The following SGIP1 variants were observed in gnomAD, a reference collection of about 807,000 sequenced individuals.
The protein encoded by SGIP1 is SH3GL interacting endocytic adaptor 1, also known as SH3-containing GRB2-like protein 3-interacting protein 1.
SGIP1 carries 38 observed loss-of-function variants against 107.5 expected under a neutral mutation model. That is an observed-to-expected ratio of 0.35 (90% confidence interval 0.27 to 0.46). The LOEUF is 0.46. Among genes scored for constraint, SGIP1 ranks in the 20% least tolerant of loss-of-function variants. SGIP1 has a pLI of 1.00. For synonymous variants in SGIP1, 365 were observed against 366.1 expected (o/e 1.00, Z 0.03); for missense variants, 929 against 1,019.5 (o/e 0.91, Z 1.21).
chr1:66,660,455 A>G, intron 7 of SGIP1, 58 bp from the exon 8 acceptor site: 1 of 1,510,944 alleles, frequency 6.6e-7, no homozygotes, highest in Non-Finnish European at 9.2e-7. Context: ...CTTCTTGAAA[A>G]TACATTTCAC....
chr1:66,740,358 GATT>G, intron 22 of SGIP1, among the ~76,000 whole-genome samples: 1 of 65,662 alleles, frequency 1.5e-5, no homozygotes, highest in Non-Finnish European at 4.4e-5. Flanking sequence ...TTAATTAATT[GATT>G]AACACTCCTA....
chr1:66,604,498 A>G (rs1242418387), intron 1 of SGIP1, among the ~76,000 whole-genome samples: 1 of 152,196 alleles, frequency 6.6e-6, no homozygotes, highest in African/African-American at 2.4e-5. Flanking sequence ...CGTTTTCTAC[A>G]TTAAGCTGTG....
chr1:66,729,322 C>T lies in SGIP1; in HGVS notation c.1801C>T (p.His601Tyr), dbSNP rs2093904386. 8 of 1,614,136 alleles carry T rather than the reference C, an allele frequency of 5.0e-6. No homozygotes were observed. Among genetic ancestry groups the T allele is most frequent in the Non-Finnish European group, 6.8e-6 (8 of 1,180,002 alleles). ...GTCATTTCCTGCTGGCATCACCAGA[C>T]ACTTTGCCAACAACCCGTCCCCAGC... ...VLSFPAGITR[H>Y]FANNPSPAAL... The change falls in exon 20 of 25, where the codon CAC becomes TAC. Residue 601 changes from histidine (H) to tyrosine (Y), a missense_variant. Transcript: ENST00000371037.
At chr1:66,712,285 T>C (rs1014512106) in intron 18 of SGIP1, among the ~76,000 whole-genome samples, 2 of 152,200 alleles carry the variant, frequency 1.3e-5, no homozygotes, top group Non-Finnish European at 2.9e-5. Flanking sequence ...TCACATTAAA[T>C]GTAAAAACCA....
chr1:66,658,568 G>A (rs1052871589), intron 7 of SGIP1, among the ~76,000 whole-genome samples: 8 of 152,162 alleles, frequency 5.3e-5, no homozygotes, highest in African/African-American at 1.7e-4. Context: ...TTTGTATAAT[G>A]TTTCAATGGC....
chr1:66,700,873 C>G (rs2091804189), intron 18 of SGIP1, among the ~76,000 whole-genome samples: 1 of 151,956 alleles, frequency 6.6e-6, no homozygotes, highest in Admixed American at 6.6e-5. Flanking sequence ...TCCACTAATC[C>G]AGGTGGAGAT....
intron 1 of SGIP1, among the ~76,000 whole-genome samples, chr1:66,549,435 G>A (rs1241236418): frequency 6.6e-6 from 1 of 152,160 alleles, no homozygotes; most frequent in African/African-American, 2.4e-5. Flanking sequence ...GCAAAGTTAT[G>A]TGAAGGAAGC....
At chr1:66,558,663 A>G (rs563163835) in intron 1 of SGIP1, among the ~76,000 whole-genome samples, 1 of 151,998 alleles carries the variant, frequency 6.6e-6, no homozygotes, top group East Asian at 2.0e-4. Context: ...ATTAGACTAT[A>G]TTATATAGTC....
chr1:66,615,380 G>A (rs1182448355), intron 1 of SGIP1, among the ~76,000 whole-genome samples: 1 of 152,128 alleles, frequency 6.6e-6, no homozygotes, highest in Non-Finnish European at 1.5e-5. Context: ...TGACCCGCCT[G>A]CCTCAGCCTC....
chr1:66,537,822 A>C (rs1244410123), intron 1 of SGIP1, among the ~76,000 whole-genome samples: 1 of 152,102 alleles, frequency 6.6e-6, no homozygotes, highest in Non-Finnish European at 1.5e-5. Context: ...AAAAGTAAAA[A>C]TAATGCATTG....
intron 1 of SGIP1, among the ~76,000 whole-genome samples, chr1:66,566,334 AT>A (rs1213421829): frequency 6.6e-6 from 1 of 152,014 alleles, no homozygotes; most frequent in African/African-American, 2.4e-5. Flanking sequence ...TCCATCCATC[AT>A]TTTTGTTTCA....
chr1:66,670,925 C>T (rs2083629590), intron 9 of SGIP1, 70 bp from the exon 10 acceptor site: 1 of 730,954 alleles, frequency 1.4e-6, no homozygotes, highest in Non-Finnish European at 2.1e-6. Context: ...ATTGCAATGA[C>T]AGAAATAATA....
At position 66,570,050 on chromosome 1, in the gene SGIP1, T is replaced by C. The variant is rs115717183; in HGVS notation, c.10+35682T>C. On this transcript the variant is annotated intron_variant, in intron 1 of 24. Coordinates refer to ENST00000371037, the MANE Select transcript of SGIP1 (RefSeq NM_032291.4). ...TCCTTAATTATCCTTTTAATGTCCA[T>C]AGAATCTGTAGTAATGTCCTCTCTT... Among the ~76,000 whole-genome samples the C allele has an allele frequency of 7.3e-3, 1,104 of 151,964 alleles. 4 individuals are homozygous for C. Among genetic ancestry groups the C allele is most frequent in the African/African-American group, 0.025 (1,048 of 41,532 alleles).
intron 9 of SGIP1, among the ~76,000 whole-genome samples, chr1:66,667,802 T>C (rs2082896961): frequency 6.6e-6 from 1 of 151,810 alleles, no homozygotes; most frequent in African/African-American, 2.4e-5. Context: ...ATATATGGAG[T>C]GTGTGTGTAT....
chr1:66,742,456 C>CTTTATTTTTTTTTT (rs1557832284), intron 24 of SGIP1, among the ~76,000 whole-genome samples: 1 of 64,182 alleles, frequency 1.6e-5, no homozygotes. Context: ...TATGAGCACC[C>CTTTATTTTTTTTTT]TTTCTTTTTT....
intron 3 of SGIP1, chr1:66,634,225 G>A: frequency 7.5e-7 from 1 of 1,327,260 alleles, no homozygotes; most frequent in Non-Finnish European, 1.1e-6. Context: ...GGGTTCTCTG[G>A]TCCCCTCTGA....
At chr1:66,616,287 T>C (rs1252313275) in intron 1 of SGIP1, among the ~76,000 whole-genome samples, 2 of 152,158 alleles carry the variant, frequency 1.3e-5, no homozygotes, top group Non-Finnish European at 2.9e-5. Context: ...TGTCATATTT[T>C]ATTTCTAAAG....
intron 1 of SGIP1, among the ~76,000 whole-genome samples, chr1:66,553,078 T>A (rs1238491540): frequency 1.3e-5 from 2 of 152,054 alleles, no homozygotes; most frequent in African/African-American, 4.8e-5. Context: ...CTGCCCTTAT[T>A]CACAATGCTG....
intron 21 of SGIP1, among the ~76,000 whole-genome samples, chr1:66,737,547 T>G (rs2094309751): frequency 6.6e-6 from 1 of 152,030 alleles, no homozygotes; most frequent in South Asian, 2.1e-4. Flanking sequence ...AATAAATAAA[T>G]AAAGTGTAGG....
Sources: gnomAD v4.1 joint callset for allele counts (sites outside exome capture counted in the v4.1 genomes callset) on GRCh38, gnomAD v4.1.1 for gene constraint, MANE v1.5 for transcripts, NCBI Gene and HGNC (gene_info 2026-07-23, HGNC 2026-07-21) for gene names.